Variants in FRMPD4 observed in about 807,000 individuals in gnomAD.
FRMPD4 encodes FERM and PDZ domain containing 4.
FRMPD4 carries 22 observed loss-of-function variants against 94.1 expected under a neutral mutation model. The observed-to-expected ratio is 0.23, with a 90% CI of 0.17 to 0.33. FRMPD4 has a LOEUF of 0.33. Ranked by LOEUF, FRMPD4 falls within the 10% of genes least tolerant of loss-of-function variation. The pLI is 1.00. For missense variants in FRMPD4, 1,111 were observed against 1,339.9 expected (o/e 0.83, Z 2.67); for synonymous variants, 631 against 548.6 (o/e 1.15, Z -2.10).
intron 1 of FRMPD4, among the ~76,000 whole-genome samples, chrX:12,140,910 G>A (rs1403472594): frequency 9.0e-6 from 1 of 111,698 alleles, no homozygotes; most frequent in East Asian, 2.8e-4. Context: ...CCAGTAGAGT[G>A]TTTATTCTAA....
At chrX:12,582,397 A>G (rs190100314) in intron 2 of FRMPD4, among the ~76,000 whole-genome samples, 1 of 112,069 alleles carries the variant, frequency 8.9e-6, no homozygotes, top group Non-Finnish European at 1.9e-5. Context: ...CCTATTCAGA[A>G]TGTGCTTCAC....
chrX:12,664,395 G>T (rs1428902511), intron 4 of FRMPD4, among the ~76,000 whole-genome samples: 1 of 112,046 alleles, frequency 8.9e-6, no homozygotes, highest in Non-Finnish European at 1.9e-5. Context: ...CTAGTTTATT[G>T]AGAGTTTTTA....
intron 2 of FRMPD4, chrX:12,583,467 CA>C: frequency 8.3e-7 from 1 of 1,201,210 alleles, no homozygotes. Context: ...CTGGATCTTT[CA>C]GGTCTTCGGG....
intron 4 of FRMPD4, among the ~76,000 whole-genome samples, chrX:12,662,376 G>A (rs971660041): frequency 1.8e-5 from 2 of 108,876 alleles, no homozygotes; most frequent in East Asian, 5.8e-4. Context: ...GACAGGGCCC[G>A]GTGTGTGATG....
intron 14 of FRMPD4, among the ~76,000 whole-genome samples, chrX:12,711,811 A>C (rs1323642089): frequency 1.0e-5 from 1 of 95,551 alleles, no homozygotes; most frequent in Non-Finnish European, 2.1e-5. Flanking sequence ...ATGAGGGGAG[A>C]AAAAAAGGGA....
At chrX:12,253,656 G>A (rs759407281) in intron 1 of FRMPD4, among the ~76,000 whole-genome samples, 2 of 112,046 alleles carry the variant, frequency 1.8e-5, no homozygotes, top group East Asian at 5.6e-4. Context: ...TGGATAATGT[G>A]TGTGTAGTGT....
At chrX:12,047,437 C>A (rs1318327082) in intron 3 of FRMPD4, among the ~76,000 whole-genome samples, 2 of 111,420 alleles carry the variant, frequency 1.8e-5, no homozygotes, top group African/African-American at 6.5e-5. Flanking sequence ...TTAATAAACA[C>A]AAGAAATCCA....
rs548500231 is a variant in FRMPD4 at position 12,164,042 on chromosome X, G to GT, written c.41+25040dup. Among the ~76,000 whole-genome samples the GT allele has an allele frequency of 2.0e-3, 218 of 106,556 alleles. 2 individuals carry two copies. The South Asian group carries it at 0.05, about 25-fold the overall frequency. 92.5% of individuals were successfully genotyped at this position (106,556 alleles called of 115,157 possible). Reference sequence around the variant, plus strand: ...TTATTTTTTATTTTTTTGCCCCTTAGTTTTTTTTTTATTATTATTATACTT... The same window carrying GT: ...TTATTTTTTATTTTTTTGCCCCTTAGTTTTTTTTTTTATTATTATTATACTT... On this transcript the variant is annotated intron_variant, in intron 1 of 16. Coordinates refer to ENST00000675598, the MANE Select transcript of FRMPD4 (RefSeq NM_001368397.1).
chrX:11,916,684 C>T (rs1408393045), intron 3 of FRMPD4, among the ~76,000 whole-genome samples: 2 of 111,401 alleles, frequency 1.8e-5, no homozygotes, highest in Non-Finnish European at 3.8e-5. Flanking sequence ...TAGATGGCAG[C>T]GGCCCCCAGT....
At chrX:12,368,293 A>G (rs2056113263) in intron 1 of FRMPD4, among the ~76,000 whole-genome samples, 1 of 112,349 alleles carries the variant, frequency 8.9e-6, no homozygotes, top group Admixed American at 9.4e-5. Context: ...GTACCATTTC[A>G]GGTAGCTGGA....
chrX:12,280,938 C>T (rs1475320046), intron 1 of FRMPD4, among the ~76,000 whole-genome samples: 1 of 112,021 alleles, frequency 8.9e-6, no homozygotes, highest in African/African-American at 3.2e-5. Context: ...CAGAGTCATA[C>T]AAGGTCCTGA....
At chrX:12,136,326 C>CAA (rs57110936), upstream of FRMPD4, among the ~76,000 whole-genome samples, 8 of 84,161 alleles carry the variant, frequency 9.5e-5, no homozygotes, top group African/African-American at 3.0e-4. Flanking sequence ...AGATTCAGAC[C>CAA]AAAAAAAAAA....
chrX:12,574,050 G>C (rs1308768048), intron 2 of FRMPD4, among the ~76,000 whole-genome samples: 1 of 112,240 alleles, frequency 8.9e-6, no homozygotes, highest in Non-Finnish European at 1.9e-5. Context: ...ACCCAGGCTG[G>C]AGTGCAGTGG....
At chrX:12,575,433 A>G (rs1021054322) in intron 2 of FRMPD4, among the ~76,000 whole-genome samples, 1 of 110,346 alleles carries the variant, frequency 9.1e-6, no homozygotes, top group Admixed American at 9.7e-5. Flanking sequence ...AAGCCAAGTT[A>G]GAGCTTCAAG....
At chrX:12,454,190 G>A (rs1490666759) in intron 1 of FRMPD4, among the ~76,000 whole-genome samples, 1 of 112,102 alleles carries the variant, frequency 8.9e-6, no homozygotes, top group Non-Finnish European at 1.9e-5. Context: ...TAAATGAGTT[G>A]TGCTTCCAGA....
intron 1 of FRMPD4, among the ~76,000 whole-genome samples, chrX:12,441,123 T>G (rs2057131590): frequency 8.9e-6 from 1 of 112,021 alleles, no homozygotes; most frequent in Non-Finnish European, 1.9e-5. Flanking sequence ...CACTGTGCTG[T>G]TGAAAGCCCA....
At chrX:12,173,655 T>G (rs778717896) in intron 1 of FRMPD4, among the ~76,000 whole-genome samples, 1 of 111,543 alleles carries the variant, frequency 9.0e-6, no homozygotes, top group East Asian at 2.8e-4. Flanking sequence ...TAGGATCATT[T>G]AGGAATTCTG....
intron 5 of FRMPD4, among the ~76,000 whole-genome samples, chrX:12,682,973 A>G (rs975465353): frequency 2.4e-4 from 27 of 111,692 alleles, no homozygotes; most frequent in Non-Finnish European, 4.5e-4. Context: ...TTGAGAGAGA[A>G]AGAGAGAGAG....
chrX:12,016,076 G>C (rs2147418732), intron 3 of FRMPD4, among the ~76,000 whole-genome samples: 1 of 112,486 alleles, frequency 8.9e-6, no homozygotes, highest in East Asian at 2.8e-4. Flanking sequence ...CTAGAGAAGA[G>C]GGTTGCATTC....
Sources: allele counts gnomAD v4.1 joint callset (sites outside exome capture counted in the v4.1 genomes callset), GRCh38; gene constraint gnomAD v4.1.1; transcripts MANE v1.5; gene names NCBI Gene and HGNC (gene_info 2026-07-23, HGNC 2026-07-21).